Variants in NPC1 observed in about 807,000 individuals in gnomAD.
The protein encoded by NPC1 is Niemann-Pick C1 protein.
NPC1 carries 85 observed loss-of-function variants against 140.4 expected under a neutral mutation model. The ratio of observed to expected loss-of-function variants is 0.61; its 90% CI spans 0.51 to 0.72. The LOEUF (loss-of-function observed/expected upper bound fraction) is 0.72, where lower values mean the gene tolerates loss of function less well. Ranked by LOEUF, NPC1 falls within the 30% of genes least tolerant of loss-of-function variation. The probability of loss-of-function intolerance (pLI) is 0.00; values close to 1 mark genes in which losing one functional copy is unlikely to be tolerated. For synonymous variants in NPC1, 656 were observed against 624.8 expected, an observed-to-expected ratio of 1.05 and a Z score of -0.74; for missense variants, 1,504 against 1,623.8, an observed-to-expected ratio of 0.93 and a Z score of 1.27.
Position 23,539,891 on chromosome 18 carries a change from C to T in NPC1, c.2715G>A (p.Gln905=). The T allele has an allele frequency of 6.2e-7, 1 of 1,614,216 alleles. No homozygotes were observed. The highest frequency in any genetic ancestry group is 1.1e-5 in the South Asian group (1 of 91,088). ...AGCCCATGCCGCCGCACACCATGTT[C>T]TGCCCCTTGGAAGAAGTGTAGTCGT... ...EGHDYTSSKG[Q]NMVCGGMGCN... Residue 905 remains glutamine, a synonymous_variant, in exon 18 of 25, where the codon CAG becomes CAA. Transcript: ENST00000269228.
At position 23,541,053 on chromosome 18, in the gene NPC1, C is replaced by CAGATA. The variant is rs1567951479; in HGVS notation, c.2514+10_2514+14dup. ...TCAGTGAGAGGAAAGAGAAAAACCA[C>CAGATA]AGATAAGCGCATACCACAATTGGTC... On this transcript the variant is annotated intron_variant, in intron 16 of 24. Transcript: ENST00000269228. The CAGATA allele has an allele frequency of 2.5e-6, 4 of 1,614,050 alleles. No individual in the cohort carries two copies. Among genetic ancestry groups the CAGATA allele is most frequent in the Non-Finnish European group, 3.4e-6 (4 of 1,179,960 alleles).
chr18:23,524,825 T>C (rs1225762834), downstream of NPC1, among the ~76,000 whole-genome samples: 2 of 151,500 alleles, frequency 1.3e-5, no homozygotes, highest in Non-Finnish European at 2.9e-5. Context: ...CCGGTGTCCG[T>C]GCCCTTTTCT....
At position 23,531,799 on chromosome 18, in the gene NPC1, T is replaced by C. The variant is rs957727454; in HGVS notation, c.*403A>G. 10 of 1,532,126 alleles carry C rather than the reference T, an allele frequency of 6.5e-6. No homozygotes were observed. The African/African-American group carries it at 1.4e-4, about 22-fold the overall frequency. The allele number at this position is 1,532,126 out of a possible 1,614,324, so 94.9% of individuals were successfully genotyped here. A position where few individuals can be genotyped will look rare whatever the true frequency, so the allele number is the denominator to read the frequency against. ...ACTATAAAATGTTATAAAGTGTATCTACAACCTCAACTGTCACTAAAAATA... is the reference window on the plus strand; with the variant it reads ...ACTATAAAATGTTATAAAGTGTATCCACAACCTCAACTGTCACTAAAAATA... On this transcript the variant is annotated 3_prime_UTR_variant, in exon 25 of 25. Transcript: ENST00000269228.
At chr18:23,529,557 G>A, downstream of NPC1, 1 of 1,358,422 alleles carries the variant, frequency 7.4e-7, no homozygotes, top group Non-Finnish European at 1.0e-6. Context: ...GAAACAAGGT[G>A]GGGGTTGGAT....
chr18:23,508,117 T>G, intron 3 of NPC1: 3 of 1,356,480 alleles, frequency 2.2e-6, no homozygotes, highest in Non-Finnish European at 3.0e-6. Context: ...AGCGGGGCAT[T>G]GGGGTCGCAG....
intron 8 of NPC1, among the ~76,000 whole-genome samples, chr18:23,555,414 A>G (rs1450827202): frequency 6.6e-6 from 1 of 152,208 alleles, no homozygotes; most frequent in Non-Finnish European, 1.5e-5. Context: ...TTATTTCCTA[A>G]CAGAGAAGAT....
intron 3 of NPC1, chr18:23,507,868 T>C (rs1889410938): frequency 1.2e-6 from 1 of 817,894 alleles, no homozygotes; most frequent in Non-Finnish European, 1.7e-6. Context: ...TCTTCAGTTA[T>C]TTTCTGGTCA....
downstream of NPC1, chr18:23,529,756 TA>T (rs199522028): frequency 1.4e-3 from 1,916 of 1,418,508 alleles, 1 homozygote; most frequent in Non-Finnish European, 1.6e-3. Context: ...AGAAGGAATT[TA>T]AAAAAAAAAC....
chr18:23,539,739 C>T, intron 18 of NPC1, 72 bp downstream of exon 18: 1 of 1,497,028 alleles, frequency 6.7e-7, no homozygotes, highest in Non-Finnish European at 9.3e-7. Context: ...TGAGACATTT[C>T]AGGCCTGAGC....
chr18:23,559,013 G>A (rs1386563298), intron 6 of NPC1, among the ~76,000 whole-genome samples: 1 of 152,054 alleles, frequency 6.6e-6, no homozygotes, highest in African/African-American at 2.4e-5. Flanking sequence ...GAGAATGATG[G>A]TTTCCAGTTT....
intron 1 of NPC1, among the ~76,000 whole-genome samples, chr18:23,574,741 G>A (rs2059250772): frequency 6.6e-6 from 1 of 152,186 alleles, no homozygotes; most frequent in African/African-American, 2.4e-5. Flanking sequence ...TGAAAGTCAT[G>A]TTTAGGCCAC....
downstream of NPC1, among the ~76,000 whole-genome samples, chr18:23,527,197 GACA>G (rs2145269209): frequency 9.0e-6 from 1 of 110,546 alleles, no homozygotes; most frequent in East Asian, 2.7e-4. Flanking sequence ...CAGCCTGGAC[GACA>G]ACATGGCAAA....
intron 4 of NPC1, among the ~76,000 whole-genome samples, chr18:23,566,969 T>C (rs1392982496): frequency 6.6e-6 from 1 of 152,198 alleles, no homozygotes; most frequent in Non-Finnish European, 1.5e-5. Flanking sequence ...AGTAATAGGA[T>C]TTAAGGTTCA....
downstream of NPC1, chr18:23,528,588 C>T (rs2058377893): frequency 6.5e-6 from 1 of 153,252 alleles, no homozygotes; most frequent in Non-Finnish European, 1.5e-5. Context: ...GAGACAGGCA[C>T]TGAAGAGGGC....
At chr18:23,555,302 G>C (rs1235381924) in intron 8 of NPC1, among the ~76,000 whole-genome samples, 1 of 152,276 alleles carries the variant, frequency 6.6e-6, no homozygotes, top group Non-Finnish European at 1.5e-5. Flanking sequence ...GCAGGCCAGA[G>C]GGGAGAGTGG....
At chr18:23,529,121 A>C, downstream of NPC1, 1 of 1,582,106 alleles carries the variant, frequency 6.3e-7, no homozygotes, top group Non-Finnish European at 8.6e-7. Flanking sequence ...GATGAACTGT[A>C]AACAGCACCC....
At chr18:23,525,061 C>T (rs1426840567), downstream of NPC1, among the ~76,000 whole-genome samples, 1 of 150,890 alleles carries the variant, frequency 6.6e-6, no homozygotes, top group Non-Finnish European at 1.5e-5. Context: ...ATTCTCCTGC[C>T]TCAGCCTCCT....
intron 4 of NPC1, among the ~76,000 whole-genome samples, chr18:23,562,274 G>A (rs189328105): frequency 2.7e-5 from 4 of 147,360 alleles, no homozygotes; most frequent in Non-Finnish European, 5.9e-5. Context: ...GGGTGACAGA[G>A]CAAGACTCCA....
intron 19 of NPC1, chr18:23,538,993 C>T: frequency 2.2e-6 from 1 of 448,646 alleles, no homozygotes; most frequent in Non-Finnish European, 4.1e-6. Context: ...CCAGGGCAAC[C>T]TCGACGCTCC....
Sources: gnomAD v4.1 joint callset for allele counts (sites outside exome capture counted in the v4.1 genomes callset) on GRCh38, gnomAD v4.1.1 for gene constraint, MANE v1.5 for transcripts, NCBI Gene and HGNC (gene_info 2026-07-23, HGNC 2026-07-21) for gene names.